The following XIRP2 variants were observed in gnomAD, a reference collection of about 807,000 sequenced individuals.
The protein encoded by XIRP2 is xin actin binding repeat containing 2, also known as xin actin-binding repeat-containing protein 2.
Under a neutral mutation model 277.0 loss-of-function variants are expected in XIRP2, and 236 were observed. That is an observed-to-expected ratio of 0.85 (90% CI 0.77 to 0.95). The LOEUF is 0.95. XIRP2 is among the 40% of genes least tolerant of loss of function. XIRP2 has a pLI of 0.00. For synonymous variants in XIRP2, 1,490 were observed against 1,416.5 expected, an observed-to-expected ratio of 1.05 and a Z score of -1.17; for missense variants, 4,640 against 4,157.5, an observed-to-expected ratio of 1.12 and a Z score of -3.19.
intron 10 of XIRP2, among the ~76,000 whole-genome samples, chr2:167,257,305 T>G (rs926627782): frequency 1.3e-5 from 2 of 151,964 alleles, no homozygotes; most frequent in African/African-American, 4.8e-5. Context: ...AGTTTTGCTA[T>G]CTTGTTGATG....
intron 3 of XIRP2, among the ~76,000 whole-genome samples, chr2:167,138,836 C>T (rs143908827): frequency 0.04 from 6,035 of 152,106 alleles, 122 homozygotes; most frequent in Non-Finnish European, 0.05. Flanking sequence ...GAGGCCAAGG[C>T]GGGCGAATCA....
At chr2:167,128,097 A>C (rs897578681) in intron 2 of XIRP2, among the ~76,000 whole-genome samples, 1 of 152,152 alleles carries the variant, frequency 6.6e-6, no homozygotes, top group African/African-American at 2.4e-5. Context: ...AAGCCATCTC[A>C]ATTAGAATAT....
chr2:166,895,592 A>G (rs1404777511), intron 1 of XIRP2, among the ~76,000 whole-genome samples: 1 of 143,510 alleles, frequency 7.0e-6, no homozygotes, highest in Non-Finnish European at 1.6e-5. Context: ...CGTTTGCAGC[A>G]GGGTCACTGC....
intron 2 of XIRP2, among the ~76,000 whole-genome samples, chr2:167,134,557 GGCT>G (rs1489558328): frequency 1.3e-5 from 2 of 152,056 alleles, no homozygotes; most frequent in African/African-American, 4.8e-5. Context: ...TTATCTGAAT[GGCT>G]GCTTAGAGAA....
chr2:166,908,427 C>T (rs879749393), intron 2 of XIRP2, among the ~76,000 whole-genome samples: 5 of 152,164 alleles, frequency 3.3e-5, no homozygotes, highest in Non-Finnish European at 1.5e-5. Context: ...TGAGAAGTGC[C>T]TGTTCATATC....
chr2:167,006,740 G>T (rs1409409530), intron 2 of XIRP2, among the ~76,000 whole-genome samples: 1 of 151,632 alleles, frequency 6.6e-6, no homozygotes, highest in Non-Finnish European at 1.5e-5. Context: ...AGGGTGAATT[G>T]AAAACATTGT....
At chr2:167,026,235 T>C (rs1264076886) in intron 2 of XIRP2, among the ~76,000 whole-genome samples, 2 of 152,176 alleles carry the variant, frequency 1.3e-5, no homozygotes, top group African/African-American at 2.4e-5. Flanking sequence ...CTTTTGAGCT[T>C]TGTTGGTTTG....
rs771016749 is a variant in XIRP2, at chr2:167,251,194, A to C, written c.9802A>C (p.Arg3268=). 6.2e-7 allele frequency: 1 copy of C among 1,613,574 alleles called. No homozygotes were observed. Among genetic ancestry groups the C allele is most frequent in the East Asian group, 2.2e-5 (1 of 44,848 alleles). The part of the protein sequence containing the change: ...AQEEIRKVEK[R]ATYVHKDGLN... The stretch of plus-strand genomic sequence containing the variant: ...AGAGGAAATCAGGAAAGTGGAGAAG[A>C]GAGCTACTTATGTTCATAAAGATGG... The change falls in exon 9 of 11, where the codon AGA becomes CGA. Residue 3268 remains arginine (R), a synonymous_variant. Transcript: ENST00000409195.
chr2:167,158,613 A>G (rs61556900), intron 3 of XIRP2, among the ~76,000 whole-genome samples: 16,310 of 152,242 alleles, frequency 0.11, 1,833 homozygotes, highest in African/African-American at 0.29. Flanking sequence ...CATTTTTACA[A>G]ACATGGTGTT....
intron 3 of XIRP2, among the ~76,000 whole-genome samples, chr2:167,203,234 A>T (rs1364012727): frequency 6.6e-6 from 1 of 152,226 alleles, no homozygotes; most frequent in African/African-American, 2.4e-5. Flanking sequence ...CTACAATGCT[A>T]AATCTTGTCT....
At chr2:167,035,965 A>G (rs1226414018) in intron 2 of XIRP2, among the ~76,000 whole-genome samples, 1 of 152,228 alleles carries the variant, frequency 6.6e-6, no homozygotes, top group African/African-American at 2.4e-5. Context: ...TGGAAGCCCC[A>G]AGCTTGGCAG....
chr2:167,137,984 C>A (rs1325371677), intron 3 of XIRP2, among the ~76,000 whole-genome samples: 3 of 152,120 alleles, frequency 2.0e-5, no homozygotes, highest in African/African-American at 7.2e-5. Flanking sequence ...GGACAGCATG[C>A]AAGTTAAACT....
chr2:167,065,982 A>G (rs1411330767), intron 2 of XIRP2, among the ~76,000 whole-genome samples: 2 of 151,976 alleles, frequency 1.3e-5, no homozygotes, highest in Non-Finnish European at 2.9e-5. Context: ...AATGTATGCA[A>G]TTTGATGAGT....
At position 167,259,091 on chromosome 2, in the gene XIRP2, A is replaced by G; in HGVS notation, c.*1274A>G. ...CGTGAAAATCACTGCATTTTCCAAG[A>G]AAAATGAGAACATTTTCAATTGTGA... On this transcript the variant is annotated 3_prime_UTR_variant, in exon 11 of 11. Coordinates refer to ENST00000409195, the MANE Select transcript of XIRP2 (RefSeq NM_152381.6). 6.2e-7 allele frequency: 1 copy of G among 1,611,620 alleles called. No individual in the cohort carries two copies. The highest frequency in any genetic ancestry group is 8.5e-7 in the Non-Finnish European group (1 of 1,178,292).
Position 167,069,215 on chromosome 2 carries a change from G to T in XIRP2, c.409-66694G>T, listed in dbSNP as rs549303171. Among the ~76,000 whole-genome samples the T allele has an allele frequency of 2.0e-5, 3 of 152,204 alleles. No individual in the cohort carries two copies. In the South Asian group the frequency reaches 6.2e-4, roughly 32 times the overall value. ...GGATTCAGTGTACTACTGAAGTTTTGCTTCAAATTTTCAAGTTTTGCTTTT... is the reference window on the plus strand; with the variant it reads ...GGATTCAGTGTACTACTGAAGTTTTTCTTCAAATTTTCAAGTTTTGCTTTT... On this transcript the variant is annotated intron_variant, in intron 2 of 10. Transcript: ENST00000409195.
intron 3 of XIRP2, among the ~76,000 whole-genome samples, chr2:167,155,115 AC>A (rs1327160991): frequency 1.3e-5 from 2 of 151,038 alleles, no homozygotes; most frequent in East Asian, 3.9e-4. Flanking sequence ...TAGCTTACCA[AC>A]CAAAAAGACT....
intron 2 of XIRP2, among the ~76,000 whole-genome samples, chr2:166,998,291 T>C (rs1160858634): frequency 6.6e-6 from 1 of 152,168 alleles, no homozygotes; most frequent in African/African-American, 2.4e-5. Flanking sequence ...AAAAAATTAA[T>C]TGACAAACCA....
At chr2:167,177,791 G>A (rs1162761418) in intron 3 of XIRP2, among the ~76,000 whole-genome samples, 1 of 152,090 alleles carries the variant, frequency 6.6e-6, no homozygotes, top group Non-Finnish European at 1.5e-5. Flanking sequence ...TAGCCCTTTA[G>A]AGGGCATTTG....
At chr2:167,089,770 A>AT (rs932815952) in intron 2 of XIRP2, among the ~76,000 whole-genome samples, 2 of 152,100 alleles carry the variant, frequency 1.3e-5, no homozygotes, top group East Asian at 1.9e-4. Flanking sequence ...CCACAGCTAC[A>AT]TTTTTTTTAA....
Sources: gnomAD v4.1 joint callset for allele counts (sites outside exome capture counted in the v4.1 genomes callset) on GRCh38, gnomAD v4.1.1 for gene constraint, MANE v1.5 for transcripts, NCBI Gene and HGNC (gene_info 2026-07-23, HGNC 2026-07-21) for gene names.